The following PRDM11 variants were observed in gnomAD, a reference collection of about 807,000 sequenced individuals.
PRDM11 encodes PR/SET domain 11.
Under a neutral mutation model 97.8 loss-of-function variants are expected in PRDM11, and 20 were observed. The observed-to-expected ratio is 0.20, with a 90% CI of 0.14 to 0.30. The LOEUF (loss-of-function observed/expected upper bound fraction) is 0.30. Among genes scored for constraint, PRDM11 ranks in the 10% least tolerant of loss-of-function variants. The probability of loss-of-function intolerance (pLI) is 1.00; values close to 1 mark genes in which losing one functional copy is unlikely to be tolerated. For missense variants in PRDM11, 1,139 were observed against 1,555.2 expected, an observed-to-expected ratio of 0.73 and a Z score of 4.50; for synonymous variants, 599 against 637.7, an observed-to-expected ratio of 0.94 and a Z score of 0.91.
chr11:45,103,053 C>T (rs1852005991), intron 1 of PRDM11, among the ~76,000 whole-genome samples: 1 of 152,204 alleles, frequency 6.6e-6, no homozygotes, highest in Non-Finnish European at 1.5e-5. Flanking sequence ...CCAAGTCTCT[C>T]TACTCCCAGC....
At chr11:45,180,956 G>T (rs903805438) in intron 1 of PRDM11, among the ~76,000 whole-genome samples, 3 of 152,142 alleles carry the variant, frequency 2.0e-5, no homozygotes, top group Non-Finnish European at 2.9e-5. Context: ...GCCCCGGTGG[G>T]GAGCAGGGGG....
At chr11:45,172,070 C>T (rs1457301836) in intron 1 of PRDM11, among the ~76,000 whole-genome samples, 1 of 152,230 alleles carries the variant, frequency 6.6e-6, no homozygotes, top group East Asian at 1.9e-4. Flanking sequence ...AAACCCCTTT[C>T]TCAGGTGTGA....
intron 4 of PRDM11, among the ~76,000 whole-genome samples, chr11:45,190,680 A>G (rs1025442501): frequency 6.6e-6 from 1 of 152,160 alleles, no homozygotes; most frequent in African/African-American, 2.4e-5. Context: ...AAAAGCAGTC[A>G]TAGATGATAC....
At chr11:45,144,809 G>T (rs140396223), upstream of PRDM11, among the ~76,000 whole-genome samples, 17 of 152,284 alleles carry the variant, frequency 1.1e-4, no homozygotes, top group East Asian at 3.3e-3. Context: ...ACAACAAATG[G>T]CTCCTTCCTC....
chr11:45,218,561 A>G (rs1165001606), intron 5 of PRDM11, among the ~76,000 whole-genome samples: 3 of 152,248 alleles, frequency 2.0e-5, no homozygotes, highest in Non-Finnish European at 4.4e-5. Flanking sequence ...GAGACAAACC[A>G]TAACATAAAG....
intron 5 of PRDM11, among the ~76,000 whole-genome samples, chr11:45,212,235 C>T (rs1024801730): frequency 1.3e-5 from 2 of 152,196 alleles, no homozygotes; most frequent in Admixed American, 1.3e-4. Context: ...CTCTTCCCCA[C>T]TAGAATAGAG....
At chr11:45,119,402 C>T (rs774602188) in intron 1 of PRDM11, among the ~76,000 whole-genome samples, 1 of 151,956 alleles carries the variant, frequency 6.6e-6, no homozygotes, top group Admixed American at 6.6e-5. Flanking sequence ...CCGAGTTGGG[C>T]GGATCACGAG....
Position 45,226,760 on chromosome 11 carries a change from C to A in PRDM11, c.2135C>A (p.Ala712Asp). 1 of 1,533,976 alleles carries A rather than the reference C, an allele frequency of 6.5e-7. No homozygotes were observed. Among genetic ancestry groups the A allele is most frequent in the Non-Finnish European group, 8.7e-7 (1 of 1,146,720 alleles). ...AGCTATCTCCAGGCACTTGACCGGG[C>A]CTTCTCGGCCTTGGGCATCCGGTTG... ...TESYLQALDR[A>D]FSALGIRLQD... The change falls in exon 8 of 8, where the codon GCC (alanine) becomes GAC (aspartate). Residue 712 changes from alanine (A) to aspartate (D), a missense_variant. Coordinates refer to ENST00000683152, the MANE Select transcript of PRDM11 (RefSeq NM_001384648.1).
chr11:45,146,965 TGCGGGGGCCGGGAGCGGCGGCTGGGG>T (rs1565262574), intron 1 of PRDM11, 88 bp downstream of exon 1: 1 of 143,008 alleles, frequency 7.0e-6, no homozygotes, highest in East Asian at 2.1e-4. Flanking sequence ...GGGCCGCCGG[TGCGGGGGCCGGGAGCGGCGGCTGGGG>T]GCGGGGGCGG....
At position 45,219,871 on chromosome 11, in the gene PRDM11, A is replaced by T. The variant is rs1854069327; in HGVS notation, c.742+114A>T. On this transcript the variant is annotated intron_variant, in intron 6 of 7. Transcript: ENST00000683152. The surrounding 1 kb of genome is among the most constrained non-coding windows in gnomAD (Gnocchi z 4.2). Reference sequence around the variant, plus strand: ...GGTTCCCAGCAATGGGAAGACCCAGAGTGATTCGGGGGAACAGATGGTTGA... The same window carrying T: ...GGTTCCCAGCAATGGGAAGACCCAGTGTGATTCGGGGGAACAGATGGTTGA... 7.8e-7 allele frequency: 1 copy of T among 1,277,492 alleles called. No individual in the cohort carries two copies. Among genetic ancestry groups the T allele is most frequent in the Non-Finnish European group, 1.1e-6 (1 of 946,624 alleles). The allele number at this position is 1,277,492 out of a possible 1,614,324, so 79.1% of individuals were successfully genotyped here.
intron 1 of PRDM11, among the ~76,000 whole-genome samples, chr11:45,178,072 G>A (rs1473942040): frequency 1.3e-5 from 2 of 152,106 alleles, no homozygotes; most frequent in Non-Finnish European, 2.9e-5. Context: ...AATGATTTAA[G>A]ACAGGAAAAC....
intron 1 of PRDM11, among the ~76,000 whole-genome samples, chr11:45,129,953 T>C (rs1230446039): frequency 6.6e-6 from 1 of 152,122 alleles, no homozygotes; most frequent in African/African-American, 2.4e-5. Context: ...TGAAGTAGGA[T>C]AGAGTCCAAC....
rs538518910 is a variant in PRDM11, at chr11:45,137,930, ACACACG to A, written c.96+42035_96+42040del. ...GTCCTCTCTCTGCGTGCACACATAC[ACACACG>A]CACACATACACACACATACACACAC... On this transcript the variant is annotated intron_variant, in intron 1 of 6. Coordinates refer to the PRDM11 transcript ENST00000530656. Among the ~76,000 whole-genome samples the A allele has an allele frequency of 3.3e-4, 50 of 152,216 alleles. No individual in the cohort carries two copies. In the South Asian group the frequency reaches 9.3e-3, roughly 28 times the overall value.
intron 4 of PRDM11, among the ~76,000 whole-genome samples, chr11:45,187,346 A>G (rs3758728): frequency 0.92 from 140,211 of 152,222 alleles, 65,369 homozygotes; most frequent in Non-Finnish European, 0.98. Flanking sequence ...AAAAAATCTA[A>G]GACTGTGCCC....
intron 1 of PRDM11, among the ~76,000 whole-genome samples, chr11:45,172,501 C>T (rs930431644): frequency 1.3e-5 from 2 of 152,132 alleles, no homozygotes; most frequent in Non-Finnish European, 2.9e-5. Flanking sequence ...GCACCAAAGA[C>T]ACTCCTATAA....
intron 1 of PRDM11, among the ~76,000 whole-genome samples, chr11:45,133,521 T>A: frequency 6.6e-6 from 1 of 152,246 alleles, no homozygotes; most frequent in South Asian, 2.1e-4. Flanking sequence ...AACAGCTTGA[T>A]CCAGCCATGC....
At chr11:45,205,814 C>G (rs1433803026) in intron 5 of PRDM11, among the ~76,000 whole-genome samples, 1 of 152,194 alleles carries the variant, frequency 6.6e-6, no homozygotes, top group African/African-American at 2.4e-5. Context: ...CACTGCCCAC[C>G]TATACTCCTA....
At chr11:45,214,593 C>G (rs1173955690) in intron 5 of PRDM11, 4 of 152,190 alleles carry the variant, frequency 2.6e-5, no homozygotes, top group African/African-American at 7.2e-5. Context: ...GTTCCTGCTT[C>G]CCTCAAACTG....
intron 4 of PRDM11, among the ~76,000 whole-genome samples, chr11:45,198,609 A>G (rs1853215302): frequency 6.6e-6 from 1 of 152,258 alleles, no homozygotes. Context: ...CATTTAGAGG[A>G]GCCCAACAGT....
Sources: allele counts gnomAD v4.1 joint callset (sites outside exome capture counted in the v4.1 genomes callset), GRCh38; gene constraint gnomAD v4.1.1; non-coding constraint Gnocchi (gnomAD v3.1); transcripts MANE v1.5; gene names NCBI Gene and HGNC (gene_info 2026-07-23, HGNC 2026-07-21).